The following COL28A1 variants were observed in gnomAD, a reference collection of about 807,000 sequenced individuals.
COL28A1 encodes collagen type XXVIII alpha 1 chain.
COL28A1 carries 161 observed loss-of-function variants against 150.2 expected under a neutral mutation model. That is an observed-to-expected ratio of 1.07 (90% CI 0.94 to 1.22). The LOEUF (loss-of-function observed/expected upper bound fraction) is 1.22, where lower values mean the gene tolerates loss of function less well. Among genes scored for constraint, COL28A1 ranks in the 50% most tolerant of loss-of-function variants. The pLI, the probability that COL28A1 is intolerant of heterozygous loss-of-function variation, is 0.00. For synonymous variants in COL28A1, 552 were observed against 469.7 expected (o/e 1.18, Z -2.26); for missense variants, 1,617 against 1,388.3 (o/e 1.16, Z -2.62).
chr7:7,360,105 T>A (rs1780566070), intron 34 of COL28A1, among the ~76,000 whole-genome samples: 1 of 152,166 alleles, frequency 6.6e-6, no homozygotes, highest in African/African-American at 2.4e-5. Context: ...AACAGGAGAA[T>A]GCAATCCCCT....
intron 15 of COL28A1, among the ~76,000 whole-genome samples, chr7:7,456,957 AG>A (rs1787218274): frequency 6.6e-6 from 1 of 152,228 alleles, no homozygotes; most frequent in Non-Finnish European, 1.5e-5. Context: ...TGAGCCAGGT[AG>A]AAACCCAGAA....
At chr7:7,408,660 T>G (rs1245600802) in intron 27 of COL28A1, among the ~76,000 whole-genome samples, 1 of 152,160 alleles carries the variant, frequency 6.6e-6, no homozygotes, top group African/African-American at 2.4e-5. Flanking sequence ...GCTGTTGTTT[T>G]TCCTTGTAAA....
chr7:7,481,396 G>T (rs528292969), intron 13 of COL28A1, among the ~76,000 whole-genome samples: 1 of 152,278 alleles, frequency 6.6e-6, no homozygotes, highest in East Asian at 1.9e-4. Flanking sequence ...CAGCATGGAC[G>T]ATGATCATTA....
At chr7:7,352,616 T>C (rs977973279), downstream of COL28A1, among the ~76,000 whole-genome samples, 9 of 152,150 alleles carry the variant, frequency 5.9e-5, no homozygotes, top group African/African-American at 2.2e-4. Flanking sequence ...GGAATGTGGG[T>C]GGCCTTTAGA....
chr7:7,487,316 G>A (rs767721430), intron 13 of COL28A1, among the ~76,000 whole-genome samples: 5 of 152,070 alleles, frequency 3.3e-5, no homozygotes, highest in South Asian at 2.1e-4. Context: ...AGTGGCTCAC[G>A]CTTGTAATCC....
intron 15 of COL28A1, among the ~76,000 whole-genome samples, chr7:7,461,597 G>C (rs1787627481): frequency 6.6e-6 from 1 of 152,098 alleles, no homozygotes; most frequent in South Asian, 2.1e-4. Context: ...GCTAGGTTAG[G>C]ACTATGACTG....
downstream of COL28A1, chr7:7,356,912 T>C (rs1198407253): frequency 6.6e-6 from 1 of 152,184 alleles, no homozygotes; most frequent in Non-Finnish European, 1.5e-5. Context: ...ACAATTTTAA[T>C]TAAATAAAAA....
chr7:7,504,018 G>A (rs920454467), intron 11 of COL28A1, among the ~76,000 whole-genome samples: 9 of 152,012 alleles, frequency 5.9e-5, no homozygotes, highest in Admixed American at 6.6e-5. Flanking sequence ...AAATGCTTTT[G>A]GAAAAATGAC....
upstream of COL28A1, among the ~76,000 whole-genome samples, chr7:7,539,422 G>A (rs1470267274): frequency 1.3e-5 from 2 of 152,070 alleles, no homozygotes; most frequent in East Asian, 1.9e-4. Flanking sequence ...ACTCATTACC[G>A]CAAGGATGGC....
the COL28A1 span, among the ~76,000 whole-genome samples, chr7:7,350,036 G>C: frequency 6.6e-6 from 1 of 152,198 alleles, no homozygotes; most frequent in East Asian, 1.9e-4. Context: ...GATGCTAAAA[G>C]GTTTGCCCTT....
At chr7:7,415,566 C>A (rs1271294518) in intron 27 of COL28A1, among the ~76,000 whole-genome samples, 1 of 150,574 alleles carries the variant, frequency 6.6e-6, no homozygotes, top group African/African-American at 2.5e-5. Flanking sequence ...CAGAGTCTAA[C>A]TCTGTTGCCC....
chr7:7,414,246 A>G (rs58629004), intron 27 of COL28A1, among the ~76,000 whole-genome samples: 1,559 of 152,270 alleles, frequency 0.01, 21 homozygotes, highest in African/African-American at 0.035. Context: ...GACTTCTGAT[A>G]TATCTGGAGT....
chr7:7,489,553 C>T (rs1393171338), intron 12 of COL28A1, 96 bp from the exon 13 acceptor site: 14 of 750,834 alleles, frequency 1.9e-5, no homozygotes, highest in East Asian at 1.3e-4. Flanking sequence ...GGATAAATAG[C>T]GAAATAGACA....
chr7:7,492,543 C>A (rs1384412620), intron 11 of COL28A1, among the ~76,000 whole-genome samples: 1 of 149,128 alleles, frequency 6.7e-6, no homozygotes, highest in Admixed American at 6.7e-5. Flanking sequence ...CAAGGTCACG[C>A]CACCACACTC....
chr7:7,394,471 T>C (rs943826145), intron 27 of COL28A1, among the ~76,000 whole-genome samples: 10 of 152,280 alleles, frequency 6.6e-5, no homozygotes, highest in Admixed American at 3.3e-4. Context: ...TTTGATATTC[T>C]TACTTTTCGT....
intron 8 of COL28A1, among the ~76,000 whole-genome samples, chr7:7,514,904 A>C (rs1187842380): frequency 6.6e-6 from 1 of 152,124 alleles, no homozygotes; most frequent in Non-Finnish European, 1.5e-5. Flanking sequence ...AAAATGATGG[A>C]TATGGAAAGG....
intron 27 of COL28A1, among the ~76,000 whole-genome samples, chr7:7,410,534 C>T (rs1336473724): frequency 1.3e-5 from 2 of 152,026 alleles, no homozygotes; most frequent in Non-Finnish European, 2.9e-5. Flanking sequence ...TCAAACACAT[C>T]GTCTATGCTA....
chr7:7,431,136 G>A (rs1042196938), intron 25 of COL28A1: 1 of 152,786 alleles, frequency 6.5e-6, no homozygotes, highest in South Asian at 2.1e-4. Flanking sequence ...TTGGCATTAA[G>A]CACGTACAAC....
chr7:7,456,234 G>A (rs1011547956), intron 15 of COL28A1, 122 bp from the exon 16 acceptor site: 9 of 1,264,680 alleles, frequency 7.1e-6, no homozygotes, highest in South Asian at 2.1e-5. Context: ...AATTCAACAT[G>A]GAAAATTATA....
Sources: gnomAD v4.1 joint callset for allele counts (sites outside exome capture counted in the v4.1 genomes callset) on GRCh38, gnomAD v4.1.1 for gene constraint, MANE v1.5 for transcripts, NCBI Gene and HGNC (gene_info 2026-07-23, HGNC 2026-07-21) for gene names.